Variants in PRKCA observed in about 807,000 individuals in gnomAD.
The protein encoded by PRKCA is protein kinase C alpha.
In PRKCA, 27 loss-of-function variants were observed where a neutral mutation model predicts 87.0. The observed-to-expected ratio is 0.31, with a 90% CI of 0.23 to 0.43. The LOEUF is 0.43. Among genes scored for constraint, PRKCA ranks in the 20% least tolerant of loss-of-function variants. PRKCA has a pLI of 1.00. For synonymous variants in PRKCA, 329 were observed against 311.1 expected, an observed-to-expected ratio of 1.06 and a Z score of -0.61; for missense variants, 518 against 852.3, an observed-to-expected ratio of 0.61 and a Z score of 4.88.
At chr17:66,757,883 C>T (rs968755883) in intron 13 of PRKCA, among the ~76,000 whole-genome samples, 1 of 152,144 alleles carries the variant, frequency 6.6e-6, no homozygotes, top group Non-Finnish European at 1.5e-5. Context: ...CACCACCATG[C>T]CTGGCTAATG....
chr17:66,671,572 TG>T (rs1235940775), intron 5 of PRKCA, among the ~76,000 whole-genome samples: 4 of 152,126 alleles, frequency 2.6e-5, no homozygotes, highest in Non-Finnish European at 5.9e-5. Flanking sequence ...CATTTTCAGA[TG>T]GGATGTTTTG....
intron 13 of PRKCA, among the ~76,000 whole-genome samples, chr17:66,743,609 G>A (rs778115504): frequency 7.2e-5 from 11 of 152,118 alleles, no homozygotes; most frequent in Admixed American, 1.3e-4. Context: ...ACATGCCAAT[G>A]ATAGAATGGG....
intron 2 of PRKCA, among the ~76,000 whole-genome samples, chr17:66,328,140 G>A (rs775487946): frequency 6.6e-6 from 1 of 152,114 alleles, no homozygotes; most frequent in Non-Finnish European, 1.5e-5. Flanking sequence ...AATCTCCTGG[G>A]CTCGGTCCTC....
In PRKCA at chr17:66,477,554, G is replaced by A. The variant is rs143385004; in HGVS notation, c.206-18647G>A. On this transcript the variant is annotated intron_variant, in intron 2 of 16. Coordinates refer to ENST00000413366, the MANE Select transcript of PRKCA (RefSeq NM_002737.3). Reference sequence around the variant, plus strand: ...GTCTCTACTAAAAATACAAAAATTAGCCGAGCGTGGTGGCGGGCACCTGTA... The same window carrying A: ...GTCTCTACTAAAAATACAAAAATTAACCGAGCGTGGTGGCGGGCACCTGTA... 3.0e-3 allele frequency among the ~76,000 whole-genome samples: 455 copies of A among 152,218 alleles called. 11 individuals carry two copies. The highest frequency in any genetic ancestry group is 0.026 in the East Asian group (132 of 5,170).
intron 2 of PRKCA, among the ~76,000 whole-genome samples, chr17:66,410,112 C>G (rs1911687812): frequency 6.6e-6 from 1 of 152,288 alleles, no homozygotes; most frequent in African/African-American, 2.4e-5. Flanking sequence ...GGTTCAATAT[C>G]TCCCCAGTCC....
At chr17:66,628,175 C>A (rs184101293) in intron 3 of PRKCA, among the ~76,000 whole-genome samples, 1 of 152,034 alleles carries the variant, frequency 6.6e-6, no homozygotes, top group Non-Finnish European at 1.5e-5. Flanking sequence ...CTCTGCCTCT[C>A]GGTGGATAGC....
chr17:66,595,340 AC>A (rs1344332527), intron 3 of PRKCA, among the ~76,000 whole-genome samples: 1 of 151,556 alleles, frequency 6.6e-6, no homozygotes, highest in Non-Finnish European at 1.5e-5. Flanking sequence ...GCCTTCCCTC[AC>A]TTTTCTTTCG....
intron 5 of PRKCA, among the ~76,000 whole-genome samples, chr17:66,672,681 A>G (rs1972222927): frequency 6.6e-6 from 1 of 152,218 alleles, no homozygotes; most frequent in Admixed American, 6.5e-5. Context: ...TTATTTGTAA[A>G]GGTGAAAAAT....
intron 3 of PRKCA, among the ~76,000 whole-genome samples, chr17:66,504,605 A>C (rs1402654212): frequency 3.3e-5 from 5 of 151,954 alleles, no homozygotes; most frequent in African/African-American, 1.2e-4. Context: ...AAAAGAAAAA[A>C]AAAAAAAGAT....
At position 66,312,436 on chromosome 17, in the gene PRKCA, A is replaced by G. The variant is rs572959728; in HGVS notation, c.205+6309A>G. 2.6e-5 allele frequency among the ~76,000 whole-genome samples: 4 copies of G among 152,304 alleles called. No individual in the cohort carries two copies. In the South Asian group the frequency reaches 8.3e-4, roughly 32 times the overall value. The stretch of plus-strand genomic sequence containing the variant: ...TGCAGATTCAGAGTATTCCATTTCC[A>G]AATAGCATTAGTTTCACAGCTGCCC... On this transcript the variant is annotated intron_variant, in intron 2 of 16. Transcript: ENST00000413366.
chr17:66,755,378 C>T (rs1974524458), intron 13 of PRKCA, among the ~76,000 whole-genome samples: 1 of 152,320 alleles, frequency 6.6e-6, no homozygotes, highest in African/African-American at 2.4e-5. Context: ...AGTCCAGTCA[C>T]GCCTCCTTAA....
chr17:66,596,575 T>TTC (rs1355787557), intron 3 of PRKCA, among the ~76,000 whole-genome samples: 18 of 104,234 alleles, frequency 1.7e-4, no homozygotes, highest in Middle Eastern at 4.9e-3. Flanking sequence ...TTAAACCTTT[T>TTC]TTTTTTTTTT....
At chr17:66,397,511 TTTC>T (rs1910765438) in intron 2 of PRKCA, among the ~76,000 whole-genome samples, 1 of 152,114 alleles carries the variant, frequency 6.6e-6, no homozygotes, top group African/African-American at 2.4e-5. Context: ...GTTTTCTGTT[TTTC>T]TTTTTTAGCT....
intron 2 of PRKCA, among the ~76,000 whole-genome samples, chr17:66,427,506 G>A (rs1912879039): frequency 6.6e-6 from 1 of 152,162 alleles, no homozygotes; most frequent in African/African-American, 2.4e-5. Context: ...TTCACTTCTG[G>A]TCTAAGCCAT....
chr17:66,387,537 T>G (rs2071030556), intron 2 of PRKCA, among the ~76,000 whole-genome samples: 1 of 152,220 alleles, frequency 6.6e-6, no homozygotes, highest in Non-Finnish European at 1.5e-5. Flanking sequence ...GCCTTTCATC[T>G]TGCCCTTCCT....
intron 3 of PRKCA, among the ~76,000 whole-genome samples, chr17:66,578,067 C>A (rs1969295360): frequency 6.6e-6 from 1 of 152,006 alleles, no homozygotes; most frequent in Non-Finnish European, 1.5e-5. Flanking sequence ...TCCTCCTCAG[C>A]CCCCTTTGAA....
intron 3 of PRKCA, among the ~76,000 whole-genome samples, chr17:66,608,969 T>C (rs1434876610): frequency 1.3e-5 from 2 of 152,178 alleles, no homozygotes; most frequent in East Asian, 3.8e-4. Context: ...CCTCTCCCCC[T>C]TAACAGGTGA....
chr17:66,342,440 TAAA>T (rs1907094269), intron 2 of PRKCA, among the ~76,000 whole-genome samples: 3 of 84,230 alleles, frequency 3.6e-5, no homozygotes, highest in Admixed American at 1.2e-4. Flanking sequence ...TAAAATAAAA[TAAA>T]TAATAATAAT....
chr17:66,348,570 T>G (rs1907549076), intron 2 of PRKCA, among the ~76,000 whole-genome samples: 1 of 152,202 alleles, frequency 6.6e-6, no homozygotes, highest in African/African-American at 2.4e-5. Flanking sequence ...ACATTAAAAT[T>G]CATACTAATA....
Sources: allele counts gnomAD v4.1 joint callset (sites outside exome capture counted in the v4.1 genomes callset), GRCh38; gene constraint gnomAD v4.1.1; transcripts MANE v1.5; gene names NCBI Gene and HGNC (gene_info 2026-07-23, HGNC 2026-07-21).